The following ZNRF1 variants were observed in gnomAD, a reference collection of about 807,000 sequenced individuals.
ZNRF1 encodes the protein E3 ubiquitin-protein ligase ZNRF1.
In ZNRF1, 3 loss-of-function variants were observed where a neutral mutation model predicts 18.4. The ratio of observed to expected loss-of-function variants is 0.16; its 90% CI spans 0.07 to 0.42. The LOEUF is 0.42. Ranked by LOEUF, ZNRF1 falls within the 10% of genes least tolerant of loss-of-function variation. ZNRF1 has a pLI of 0.99. For synonymous variants in ZNRF1, 157 were observed against 144.2 expected (o/e 1.09, Z -0.64); for missense variants, 310 against 329.8 (o/e 0.94, Z 0.47).
At chr16:75,045,520 A>G (rs368571306) in intron 1 of ZNRF1, among the ~76,000 whole-genome samples, 5 of 151,304 alleles carry the variant, frequency 3.3e-5, no homozygotes, top group Admixed American at 6.6e-5. Context: ...GACAGTGTCA[A>G]TCGCTGGCTT....
chr16:75,045,716 C>CTTTTTTTTT (rs895489865), intron 1 of ZNRF1, among the ~76,000 whole-genome samples: 1 of 130,374 alleles, frequency 7.7e-6, no homozygotes. Context: ...TCTTCTTCGT[C>CTTTTTTTTT]TTTTTTTTTT....
At chr16:75,054,150 A>G (rs2035641284) in intron 1 of ZNRF1, among the ~76,000 whole-genome samples, 1 of 152,234 alleles carries the variant, frequency 6.6e-6, no homozygotes, top group African/African-American at 2.4e-5. Context: ...GCAGAAGCCC[A>G]TGTGGAAAAT....
chr16:75,078,570 A>G (rs1436719221), intron 1 of ZNRF1, among the ~76,000 whole-genome samples: 5 of 152,146 alleles, frequency 3.3e-5, no homozygotes, highest in Admixed American at 2.0e-4. Flanking sequence ...AAGTGCTGGG[A>G]TTACAGGCGT....
chr16:75,057,999 G>T (rs16953919), intron 1 of ZNRF1, among the ~76,000 whole-genome samples: 17,522 of 152,126 alleles, frequency 0.12, 1,410 homozygotes, highest in African/African-American at 0.22. Flanking sequence ...GACCACTGCT[G>T]TTGTAAACCT....
chr16:75,088,032 T>C (rs1037764320), intron 1 of ZNRF1, among the ~76,000 whole-genome samples: 5 of 152,262 alleles, frequency 3.3e-5, no homozygotes, highest in African/African-American at 4.8e-5. Context: ...GACAAAATCA[T>C]GCAGGCCGAA....
At chr16:75,042,645 T>A (rs1326930869) in intron 1 of ZNRF1, among the ~76,000 whole-genome samples, 1 of 152,168 alleles carries the variant, frequency 6.6e-6, no homozygotes, top group East Asian at 1.9e-4. Context: ...TATGATAAGT[T>A]TTGAAATTGG....
chr16:75,008,364 C>A (rs1192836832), intron 1 of ZNRF1, among the ~76,000 whole-genome samples: 1 of 152,170 alleles, frequency 6.6e-6, no homozygotes, highest in African/African-American at 2.4e-5. Flanking sequence ...TTGCTCTGAA[C>A]AGAAGGTAAT....
chr16:75,070,022 AAG>A (rs2035851152), intron 1 of ZNRF1, among the ~76,000 whole-genome samples: 1 of 152,238 alleles, frequency 6.6e-6, no homozygotes, highest in South Asian at 2.1e-4. Flanking sequence ...TAACATGTCC[AAG>A]AGAGTAAACC....
chr16:75,053,972 TC>T (rs1291076281), intron 1 of ZNRF1, among the ~76,000 whole-genome samples: 1 of 152,236 alleles, frequency 6.6e-6, no homozygotes, highest in Admixed American at 6.5e-5. Flanking sequence ...CAAGCCATGG[TC>T]AAAACTTTAC....
intron 1 of ZNRF1, among the ~76,000 whole-genome samples, chr16:75,007,663 A>G (rs773322197): frequency 6.6e-6 from 1 of 152,218 alleles, no homozygotes; most frequent in African/African-American, 2.4e-5. Context: ...TTAACGATGC[A>G]GATGACTGGA....
chr16:75,071,226 A>G (rs1247148079), intron 1 of ZNRF1, among the ~76,000 whole-genome samples: 1 of 151,918 alleles, frequency 6.6e-6, no homozygotes, highest in Non-Finnish European at 1.5e-5. Context: ...CAGCCTCCGA[A>G]GTAGCTGGGA....
intron 1 of ZNRF1, among the ~76,000 whole-genome samples, chr16:75,090,314 G>A (rs1253722797): frequency 6.6e-6 from 1 of 152,184 alleles, no homozygotes; most frequent in African/African-American, 2.4e-5. Context: ...ATCCAGCTGT[G>A]CAAGAAAACT....
chr16:75,047,720 C>T (rs554596061), intron 1 of ZNRF1, among the ~76,000 whole-genome samples: 11 of 152,204 alleles, frequency 7.2e-5, no homozygotes, highest in African/African-American at 2.4e-4. Flanking sequence ...TCCTTTTAAG[C>T]CCTTAAATCT....
At chr16:75,033,263 A>C (rs1158971343) in intron 1 of ZNRF1, among the ~76,000 whole-genome samples, 21 of 98,914 alleles carry the variant, frequency 2.1e-4, no homozygotes, top group African/African-American at 8.9e-4. Flanking sequence ...TTATTTCTAC[A>C]AAAAAAAAAA....
chr16:75,089,177 A>G (rs974885959), intron 1 of ZNRF1, among the ~76,000 whole-genome samples: 2 of 127,242 alleles, frequency 1.6e-5, no homozygotes, highest in African/African-American at 6.3e-5. Flanking sequence ...ATCATGGCTC[A>G]CTGCAGCCTC....
At chr16:75,054,589 T>A (rs910272330) in intron 1 of ZNRF1, among the ~76,000 whole-genome samples, 5 of 152,252 alleles carry the variant, frequency 3.3e-5, no homozygotes, top group Admixed American at 6.5e-5. Context: ...GTCAGGTGCC[T>A]TTAATTCAGG....
chr16:75,080,861 G>C (rs1300150909), intron 1 of ZNRF1, among the ~76,000 whole-genome samples: 1 of 148,808 alleles, frequency 6.7e-6, no homozygotes, highest in African/African-American at 2.5e-5. Context: ...GCAACAGAGA[G>C]AGACCCTGTC....
chr16:75,021,878 C>G (rs2035154134), intron 1 of ZNRF1, among the ~76,000 whole-genome samples: 1 of 152,182 alleles, frequency 6.6e-6, no homozygotes, highest in Non-Finnish European at 1.5e-5. Flanking sequence ...AAATTATCAT[C>G]TAGTTATCTC....
At chr16:75,066,706 G>T (rs1288653041) in intron 1 of ZNRF1, among the ~76,000 whole-genome samples, 1 of 152,028 alleles carries the variant, frequency 6.6e-6, no homozygotes, top group Non-Finnish European at 1.5e-5. Context: ...GTTTCACCAT[G>T]TTGACCAGGC....
Sources: gnomAD v4.1 joint callset for allele counts (sites outside exome capture counted in the v4.1 genomes callset) on GRCh38, gnomAD v4.1.1 for gene constraint, MANE v1.5 for transcripts, NCBI Gene and HGNC (gene_info 2026-07-23, HGNC 2026-07-21) for gene names.